The following CNTNAP2 variants were observed in gnomAD, a reference collection of about 807,000 sequenced individuals.
The protein encoded by CNTNAP2 is contactin associated protein 2, also known as contactin-associated protein-like 2.
In CNTNAP2, 98 loss-of-function variants were observed where a neutral mutation model predicts 155.2. That is an observed-to-expected ratio of 0.63 (90% CI 0.54 to 0.75). The LOEUF is 0.75. Among genes scored for constraint, CNTNAP2 ranks in the 30% least tolerant of loss-of-function variants. CNTNAP2 has a pLI of 0.00. For synonymous variants in CNTNAP2, 651 were observed against 631.2 expected (o/e 1.03, Z -0.47); for missense variants, 1,727 against 1,688.1 (o/e 1.02, Z -0.40).
intron 19 of CNTNAP2, among the ~76,000 whole-genome samples, chr7:148,218,494 C>T (rs1252173687): frequency 6.6e-6 from 1 of 152,136 alleles, no homozygotes; most frequent in Admixed American, 6.5e-5. Context: ...CAGGCTCAAG[C>T]GATCCTCCCA....
chr7:147,616,686 A>G (rs1316087014), intron 12 of CNTNAP2, among the ~76,000 whole-genome samples: 2 of 152,004 alleles, frequency 1.3e-5, no homozygotes, highest in East Asian at 1.9e-4. Flanking sequence ...TCCACTTACC[A>G]AGCTTTTTTT....
intron 12 of CNTNAP2, among the ~76,000 whole-genome samples, chr7:147,569,408 A>T (rs1800240258): frequency 6.6e-6 from 1 of 152,140 alleles, no homozygotes; most frequent in South Asian, 2.1e-4. Context: ...ATCCTATAGT[A>T]CAGTCATGCA....
At chr7:146,306,111 A>G (rs979943197) in intron 1 of CNTNAP2, among the ~76,000 whole-genome samples, 6 of 152,182 alleles carry the variant, frequency 3.9e-5, no homozygotes, top group African/African-American at 9.6e-5. Flanking sequence ...AGAGAATACT[A>G]TAAACACCTC....
In CNTNAP2 at chr7:146,992,206, G is replaced by T. The variant is rs1798221049; in HGVS notation, c.403-51701G>T. 2.6e-5 allele frequency among the ~76,000 whole-genome samples: 4 copies of T among 152,036 alleles called. No homozygotes were observed. The South Asian group carries it at 8.3e-4, about 31-fold the overall frequency. ...TTGTTATAGTTTCATGTTAAAGAAG[G>T]TAAAAATCAGCAGAACTACTTTTAA... is the stretch of plus-strand genomic sequence containing the variant. On this transcript the variant is annotated intron_variant, in intron 3 of 23. Transcript: ENST00000361727.
intron 14 of CNTNAP2, among the ~76,000 whole-genome samples, chr7:147,936,375 A>G (rs553728224): frequency 2.6e-5 from 4 of 151,710 alleles, no homozygotes; most frequent in East Asian, 1.9e-4. Flanking sequence ...GAATATTGCT[A>G]GAAGTGGTCA....
intron 1 of CNTNAP2, among the ~76,000 whole-genome samples, chr7:146,391,562 G>A (rs1283413985): frequency 6.6e-6 from 1 of 152,100 alleles, no homozygotes; most frequent in Non-Finnish European, 1.5e-5. Context: ...CTTTTCTACA[G>A]CCCCAACTTT....
chr7:147,909,265 C>A (rs916866633), intron 14 of CNTNAP2, among the ~76,000 whole-genome samples: 14 of 152,024 alleles, frequency 9.2e-5, no homozygotes, highest in Non-Finnish European at 1.0e-4. Context: ...TTTTATCTAT[C>A]TTTTTAATGA....
intron 9 of CNTNAP2, among the ~76,000 whole-genome samples, chr7:147,346,304 G>A (rs948288151): frequency 2.7e-5 from 4 of 150,904 alleles, no homozygotes; most frequent in South Asian, 2.1e-4. Context: ...ACAGGCGCCC[G>A]CCACCGCGCC....
At chr7:146,821,709 A>G (rs1318550863) in intron 2 of CNTNAP2, among the ~76,000 whole-genome samples, 1 of 152,000 alleles carries the variant, frequency 6.6e-6, no homozygotes, top group Non-Finnish European at 1.5e-5. Context: ...CAGCCAAAAA[A>G]CACATGAAAA....
chr7:146,335,645 C>T (rs983360974), intron 1 of CNTNAP2, among the ~76,000 whole-genome samples: 3 of 152,112 alleles, frequency 2.0e-5, no homozygotes, highest in Non-Finnish European at 4.4e-5. Context: ...CCTTTTCCAT[C>T]CTTCACGTTT....
At chr7:146,440,254 G>C (rs1796301915) in intron 1 of CNTNAP2, among the ~76,000 whole-genome samples, 2 of 151,648 alleles carry the variant, frequency 1.3e-5, no homozygotes, top group South Asian at 4.1e-4. Flanking sequence ...AAACTTAGTG[G>C]AGTAAAAGTA....
chr7:148,116,036 G>A (rs1170911668), intron 15 of CNTNAP2, among the ~76,000 whole-genome samples: 1 of 151,938 alleles, frequency 6.6e-6, no homozygotes, highest in Non-Finnish European at 1.5e-5. Flanking sequence ...CTACTCAGGA[G>A]GCTGAGACAG....
chr7:147,569,073 A>T (rs1278629491), intron 12 of CNTNAP2, among the ~76,000 whole-genome samples: 1 of 152,170 alleles, frequency 6.6e-6, no homozygotes, highest in Admixed American at 6.5e-5. Flanking sequence ...TTTTATCAAA[A>T]AGCCATTAAG....
chr7:147,341,579 C>G (rs897853681), intron 9 of CNTNAP2, among the ~76,000 whole-genome samples: 3 of 152,162 alleles, frequency 2.0e-5, no homozygotes, highest in Non-Finnish European at 4.4e-5. Flanking sequence ...ACATGGACTT[C>G]AAGAGCCTGA....
At chr7:146,183,615 T>C (rs1798581153) in intron 1 of CNTNAP2, among the ~76,000 whole-genome samples, 1 of 149,046 alleles carries the variant, frequency 6.7e-6, no homozygotes, top group Non-Finnish European at 1.5e-5. Context: ...CAAATAATAA[T>C]AATAATAATA....
chr7:147,877,144 G>T (rs2710105), intron 13 of CNTNAP2, among the ~76,000 whole-genome samples: 86,418 of 151,860 alleles, frequency 0.57, 25,147 homozygotes, highest in African/African-American at 0.69. Context: ...AGGCTTTTTT[G>T]TGTTGTTTGG....
At chr7:147,383,558 G>A (rs1449183257) in intron 9 of CNTNAP2, among the ~76,000 whole-genome samples, 4 of 152,036 alleles carry the variant, frequency 2.6e-5, no homozygotes, top group Non-Finnish European at 5.9e-5. Flanking sequence ...CTCATAAGTG[G>A]GAGTTGAACA....
At chr7:147,620,922 A>AG (rs1794837105) in intron 12 of CNTNAP2, among the ~76,000 whole-genome samples, 2 of 152,206 alleles carry the variant, frequency 1.3e-5, no homozygotes, top group Non-Finnish European at 2.9e-5. Flanking sequence ...AAAGAAGACT[A>AG]GCTCAAGGCA....
At chr7:147,091,025 C>T (rs1253720522) in intron 4 of CNTNAP2, among the ~76,000 whole-genome samples, 1 of 151,904 alleles carries the variant, frequency 6.6e-6, no homozygotes, top group East Asian at 2.0e-4. Context: ...ATAAGAGATG[C>T]TTAATTTCTG....
Sources: allele counts gnomAD v4.1 joint callset (sites outside exome capture counted in the v4.1 genomes callset), GRCh38; gene constraint gnomAD v4.1.1; transcripts MANE v1.5; gene names NCBI Gene and HGNC (gene_info 2026-07-23, HGNC 2026-07-21).